MYO16: variants seen among roughly 807,000 people sequenced by gnomAD.
The protein encoded by MYO16 is unconventional myosin-XVI.
MYO16 carries 94 observed loss-of-function variants against 205.3 expected under a neutral mutation model. That is an observed-to-expected ratio of 0.46 (90% CI 0.39 to 0.54). The LOEUF is 0.54. Ranked by LOEUF, MYO16 falls within the 20% of genes least tolerant of loss-of-function variation. The pLI is 0.00. For synonymous variants in MYO16, 988 were observed against 954.0 expected, an observed-to-expected ratio of 1.04 and a Z score of -0.66; for missense variants, 2,315 against 2,387.5, an observed-to-expected ratio of 0.97 and a Z score of 0.63.
At chr13:108,833,711 T>C (rs530028228) in intron 9 of MYO16, among the ~76,000 whole-genome samples, 2 of 152,316 alleles carry the variant, frequency 1.3e-5, no homozygotes, top group South Asian at 2.1e-4. Context: ...ACAGGCACAT[T>C]TTCTCTGCAT....
intron 22 of MYO16, among the ~76,000 whole-genome samples, chr13:109,012,812 GT>G (rs1885648484): frequency 6.7e-6 from 1 of 149,318 alleles, no homozygotes; most frequent in Non-Finnish European, 1.5e-5. Flanking sequence ...TATGATTTTA[GT>G]TTTATTGTTC....
the MYO16 span, among the ~76,000 whole-genome samples, chr13:108,510,350 C>T: frequency 6.7e-6 from 1 of 150,336 alleles, no homozygotes; most frequent in South Asian, 2.1e-4. Flanking sequence ...ATCTCCTGAC[C>T]TTGTGATCCA....
At chr13:108,752,689 T>C (rs1885275745) in intron 4 of MYO16, among the ~76,000 whole-genome samples, 1 of 150,724 alleles carries the variant, frequency 6.6e-6, no homozygotes, top group Non-Finnish European at 1.5e-5. Context: ...CTGCCCAGGC[T>C]GGAGTGCAGT....
At chr13:108,500,206 GTTT>G in the MYO16 span, among the ~76,000 whole-genome samples, 52 of 11,950 alleles carry the variant, frequency 4.4e-3, 3 homozygotes, top group East Asian at 0.097. Context: ...GTTGATTCCT[GTTT>G]TTTTTTTTTT....
At chr13:108,798,861 G>A (rs868011321) in intron 6 of MYO16, among the ~76,000 whole-genome samples, 21 of 142,930 alleles carry the variant, frequency 1.5e-4, no homozygotes, top group South Asian at 2.4e-4. Context: ...GCCCGCCACC[G>A]CGCCCGGCTA....
At chr13:109,129,988 A>G (rs2139781491) in intron 31 of MYO16, among the ~76,000 whole-genome samples, 1 of 152,122 alleles carries the variant, frequency 6.6e-6, no homozygotes, top group Non-Finnish European at 1.5e-5. Flanking sequence ...CAGCAAAAAA[A>G]AAAAAAAAGT....
intron 16 of MYO16, among the ~76,000 whole-genome samples, chr13:108,950,215 T>G (rs1482909692): frequency 1.3e-5 from 2 of 151,134 alleles, no homozygotes; most frequent in Non-Finnish European, 2.9e-5. Context: ...TTTAAAACTC[T>G]TATTCAGAAG....
chr13:109,083,417 A>G (rs1888342259), intron 27 of MYO16, among the ~76,000 whole-genome samples: 1 of 135,066 alleles, frequency 7.4e-6, no homozygotes, highest in Non-Finnish European at 1.6e-5. Context: ...AAAAAAAAAA[A>G]AAGCTTCTGC....
chr13:108,495,726 G>C, the MYO16 span, among the ~76,000 whole-genome samples: 21 of 150,818 alleles, frequency 1.4e-4, no homozygotes, highest in Middle Eastern at 3.4e-3. Context: ...GCAGAGGCGG[G>C]CAGAGAGAGC....
chr13:109,015,718 A>G (rs1885788310), intron 22 of MYO16, among the ~76,000 whole-genome samples: 1 of 152,130 alleles, frequency 6.6e-6, no homozygotes, highest in Non-Finnish European at 1.5e-5. Context: ...GAATTTATCC[A>G]TTTCTTCTAG....
At chr13:108,532,254 G>A in the MYO16 span, among the ~76,000 whole-genome samples, 1 of 151,700 alleles carries the variant, frequency 6.6e-6, no homozygotes, top group African/African-American at 2.4e-5. Flanking sequence ...AAAAATAAGA[G>A]CAGAAGAAGC....
chr13:108,753,869 T>A (rs1293317991), intron 4 of MYO16, among the ~76,000 whole-genome samples: 1 of 152,206 alleles, frequency 6.6e-6, no homozygotes, highest in East Asian at 1.9e-4. Flanking sequence ...AAACATATAT[T>A]TAAAAAGAGG....
At chr13:108,915,299 G>T (rs1423256980) in intron 16 of MYO16, among the ~76,000 whole-genome samples, 1 of 152,198 alleles carries the variant, frequency 6.6e-6, no homozygotes, top group African/African-American at 2.4e-5. Flanking sequence ...CAGTAAGACT[G>T]CACGGATCTG....
intron 32 of MYO16, among the ~76,000 whole-genome samples, chr13:109,158,670 C>T (rs9521192): frequency 0.42 from 63,988 of 151,742 alleles, 14,198 homozygotes; most frequent in Admixed American, 0.48. Flanking sequence ...TGCCTGAGAC[C>T]CATTTTGGTT....
chr13:108,961,302 T>C (rs1883569658), intron 17 of MYO16, among the ~76,000 whole-genome samples: 1 of 152,194 alleles, frequency 6.6e-6, no homozygotes, highest in African/African-American at 2.4e-5. Context: ...CTGACTCTCT[T>C]ATATTTCAGG....
At chr13:108,799,023 G>A (rs1326125881) in intron 6 of MYO16, among the ~76,000 whole-genome samples, 1 of 152,132 alleles carries the variant, frequency 6.6e-6, no homozygotes, top group African/African-American at 2.4e-5. Context: ...TTATTTATTT[G>A]GTTTGTTAGG....
chr13:108,579,587 C>A, the MYO16 span, among the ~76,000 whole-genome samples: 4 of 151,798 alleles, frequency 2.6e-5, no homozygotes, highest in African/African-American at 7.3e-5. Context: ...ATTACAGGCG[C>A]CCTCCATCAC....
At chr13:109,170,131 G>A (rs200086604) in intron 33 of MYO16, among the ~76,000 whole-genome samples, 6 of 148,134 alleles carry the variant, frequency 4.1e-5, no homozygotes, top group African/African-American at 2.5e-5. Flanking sequence ...AAAGAAAAAA[G>A]AAAAAAAAAA....
chr13:108,533,146 A>T, the MYO16 span, among the ~76,000 whole-genome samples: 1 of 152,188 alleles, frequency 6.6e-6, no homozygotes, highest in Non-Finnish European at 1.5e-5. Context: ...TGTGTCATAG[A>T]GAGGACCATT....
Sources: gnomAD v4.1 joint callset for allele counts (sites outside exome capture counted in the v4.1 genomes callset) on GRCh38, gnomAD v4.1.1 for gene constraint, MANE v1.5 for transcripts, NCBI Gene and HGNC (gene_info 2026-07-23, HGNC 2026-07-21) for gene names.